Variants in ANKRD66 observed in about 807,000 individuals in gnomAD.
ANKRD66 encodes ankyrin repeat domain-containing protein 66.
ANKRD66 carries 10 observed loss-of-function variants against 10.9 expected under a neutral mutation model. The ratio of observed to expected loss-of-function variants is 0.91; its 90% CI spans 0.56 to 1.55. The LOEUF is 1.55. Among genes scored for constraint, ANKRD66 ranks in the 40% most tolerant of loss-of-function variants. The probability of loss-of-function intolerance (pLI) is 0.00; values close to 1 mark genes in which losing one functional copy is unlikely to be tolerated. For synonymous variants in ANKRD66, 85 were observed against 88.4 expected, an observed-to-expected ratio of 0.96 and a Z score of 0.22; for missense variants, 252 against 242.9, an observed-to-expected ratio of 1.04 and a Z score of -0.25.
intron 3 of ANKRD66, among the ~76,000 whole-genome samples, 176 bp downstream of exon 3, chr6:46,752,287 T>G (rs1167896378): frequency 1.3e-5 from 2 of 152,196 alleles, no homozygotes; most frequent in South Asian, 2.1e-4. Context: ...CAGGCTGGAG[T>G]GCAGTGGCAC....
At chr6:46,752,747 C>T (rs141222702) in intron 3 of ANKRD66, among the ~76,000 whole-genome samples, 2 of 152,178 alleles carry the variant, frequency 1.3e-5, no homozygotes, top group African/African-American at 2.4e-5. Flanking sequence ...GCCCTCTCAA[C>T]CTCTAACAGG....
rs1186182398 is a variant in ANKRD66, at chr6:46,758,878, G to T, written c.548G>T (p.Arg183Leu). The T allele has an allele frequency of 6.4e-7, 1 of 1,551,466 alleles. No individual in the cohort carries two copies. Among genetic ancestry groups the T allele is most frequent in the Non-Finnish European group, 8.7e-7 (1 of 1,146,874 alleles). ...QNMNKKNKKS[R>L]GPTRPSNTKG... ...ATGAATAAAAAGAATAAGAAAAGTCGAGGCCCCACCAGGCCCAGCAATACC... is the reference window on the plus strand; with the variant it reads ...ATGAATAAAAAGAATAAGAAAAGTCTAGGCCCCACCAGGCCCAGCAATACC... Residue 183 changes from arginine to leucine, a missense_variant, in exon 5 of 5, where the codon CGA becomes CTA. Transcript: ENST00000565422.
In ANKRD66 at chr6:46,759,104, A is replaced by G; in HGVS notation, c.*183A>G. ...TTCCTGGCTAGCACCTACTGTGTAC[A>G]ATAATTACCGGGAAAGGACAAAACC... is the stretch of plus-strand genomic sequence containing the variant. On this transcript the variant is annotated 3_prime_UTR_variant, in exon 5 of 5. Transcript: ENST00000565422. 2 of 474,232 alleles carry G rather than the reference A, an allele frequency of 4.2e-6. No homozygotes were observed. The highest frequency in any genetic ancestry group is 6.3e-5 in the East Asian group (2 of 31,540). The allele number at this position is 474,232 out of a possible 1,614,324, so 29.4% of individuals were successfully genotyped here.
chr6:46,753,594 T>C, intron 3 of ANKRD66, 128 bp from the exon 4 acceptor site: 1 of 824,562 alleles, frequency 1.2e-6, no homozygotes, highest in Non-Finnish European at 1.9e-6. Context: ...GGGATGATGA[T>C]AGGAAACTGG....
intron 4 of ANKRD66, chr6:46,756,650 T>C (rs1766391606): frequency 6.6e-6 from 1 of 152,296 alleles, no homozygotes. Flanking sequence ...TTCAGACTTC[T>C]TCCCTGATCC....
chr6:46,749,743 G>A (rs971730354), intron 1 of ANKRD66, among the ~76,000 whole-genome samples, 153 bp from the exon 2 acceptor site: 3 of 152,056 alleles, frequency 2.0e-5, no homozygotes, highest in African/African-American at 4.8e-5. Flanking sequence ...TCGCCAATAT[G>A]TCTCTGACCC....
At chr6:46,752,633 C>T (rs181782357) in intron 3 of ANKRD66, among the ~76,000 whole-genome samples, 10 of 152,292 alleles carry the variant, frequency 6.6e-5, no homozygotes, top group East Asian at 5.8e-4. Flanking sequence ...ACCTAAATAA[C>T]GTGTGCAGGA....
intron 4 of ANKRD66, among the ~76,000 whole-genome samples, chr6:46,755,266 C>G (rs994204919): frequency 1.3e-5 from 2 of 152,174 alleles, no homozygotes; most frequent in African/African-American, 4.8e-5. Context: ...CCTTGTTCAG[C>G]TAGAGAAAAT....
chr6:46,749,739 A>G (rs1766227925), intron 1 of ANKRD66, among the ~76,000 whole-genome samples, 157 bp from the exon 2 acceptor site: 1 of 152,080 alleles, frequency 6.6e-6, no homozygotes, highest in South Asian at 2.1e-4. Flanking sequence ...TCAGTCGCCA[A>G]TATGTCTCTG....
chr6:46,757,907 T>TACAAGAC (rs2150728889), intron 4 of ANKRD66: 1 of 152,302 alleles, frequency 6.6e-6, no homozygotes, highest in African/African-American at 2.4e-5. Context: ...ATAACACTAA[T>TACAAGAC]ACAAGACAGA....
At chr6:46,749,323 C>A (rs754672552) in intron 1 of ANKRD66, among the ~76,000 whole-genome samples, 2 of 152,218 alleles carry the variant, frequency 1.3e-5, no homozygotes, top group Non-Finnish European at 1.5e-5. Flanking sequence ...AGAAAGTTCA[C>A]TGGGATCTGA....
Position 46,751,959 on chromosome 6 carries a change from C to A in ANKRD66, c.11C>A (p.Ala4Asp). 1 of 1,457,888 alleles carries A rather than the reference C, an allele frequency of 6.9e-7. No individual in the cohort carries two copies. The highest frequency in any genetic ancestry group is 1.5e-5 in the South Asian group (1 of 68,776). The allele number at this position is 1,457,888 out of a possible 1,614,324, so 90.3% of individuals were successfully genotyped here. Residue 4 changes from alanine to aspartate, a missense_variant, in exon 3 of 5, where the codon GCC becomes GAC. Transcript: ENST00000565422. MEL[A>D]KMSDMTKLHQ... ...CAGTTGTTTTCTGCCATGGAATTGG[C>A]CAAAATGTCAGACATGACAAAGCTT...
chr6:46,749,853 C>T (rs1322182561), intron 1 of ANKRD66, 43 bp from the exon 2 acceptor site: 1 of 1,535,884 alleles, frequency 6.5e-7, no homozygotes, highest in South Asian at 1.2e-5. Context: ...GCATTTAGGG[C>T]ATTGCATTTT....
chr6:46,756,098 T>C, intron 4 of ANKRD66: 1 of 451,390 alleles, frequency 2.2e-6, no homozygotes. Flanking sequence ...ATTTTGACTC[T>C]ATATAAATCA....
rs1051248654 is a variant in ANKRD66, at chr6:46,759,017, C to T, written c.*96C>T. ...CCTTTCCATGACTTTACTCATAGAC[C>T]CTTACCCACCTGGCTTCTGCCCATG... On this transcript the variant is annotated 3_prime_UTR_variant, in exon 5 of 5. Coordinates refer to ENST00000565422, the MANE Select transcript of ANKRD66 (RefSeq NM_001162435.3). 4 of 1,246,694 alleles carry T rather than the reference C, an allele frequency of 3.2e-6. No individual in the cohort carries two copies. The African/African-American group carries it at 4.6e-5, about 14-fold the overall frequency. 77.2% of individuals were successfully genotyped at this position (1,246,694 alleles called of 1,614,324 possible).
At chr6:46,756,704 A>T (rs1192404625) in intron 4 of ANKRD66, 1 of 152,164 alleles carries the variant, frequency 6.6e-6, no homozygotes, top group African/African-American at 2.4e-5. Context: ...GGAGCTCCTC[A>T]CGCTAAATCA....
Position 46,759,083 on chromosome 6 carries a change from T to A in ANKRD66, c.*162T>A. On this transcript the variant is annotated 3_prime_UTR_variant, in exon 5 of 5. Coordinates refer to ENST00000565422, the MANE Select transcript of ANKRD66 (RefSeq NM_001162435.3). ...GCTGTCCACATGGGCTGTTGTTTCCTGGCTAGCACCTACTGTGTACAATAA... is the reference window on the plus strand; with the variant it reads ...GCTGTCCACATGGGCTGTTGTTTCCAGGCTAGCACCTACTGTGTACAATAA... 8.4e-6 allele frequency: 5 copies of A among 597,702 alleles called. No homozygotes were observed. The highest frequency in any genetic ancestry group is 1.1e-5 in the Non-Finnish European group (4 of 359,110). 37.0% of individuals were successfully genotyped at this position (597,702 alleles called of 1,614,324 possible).
chr6:46,754,771 A>G (rs1003070964), intron 4 of ANKRD66, among the ~76,000 whole-genome samples: 1 of 152,196 alleles, frequency 6.6e-6, no homozygotes, highest in Non-Finnish European at 1.5e-5. Flanking sequence ...AAGTAACCCA[A>G]GAGACATTCT....
At chr6:46,752,163 AG>A (rs1344428236) in intron 3 of ANKRD66, 52 bp downstream of exon 3, 6 of 1,374,368 alleles carry the variant, frequency 4.4e-6, no homozygotes, top group Non-Finnish European at 5.7e-6. Flanking sequence ...ACCATTCATG[AG>A]GCTATCAATC....
Sources: allele counts gnomAD v4.1 joint callset (sites outside exome capture counted in the v4.1 genomes callset), GRCh38; gene constraint gnomAD v4.1.1; transcripts MANE v1.5; gene names NCBI Gene and HGNC (gene_info 2026-07-23, HGNC 2026-07-21).